DLGAP1: variants seen among roughly 807,000 people sequenced by gnomAD.
DLGAP1 encodes DLG associated protein 1.
Under a neutral mutation model 90.8 loss-of-function variants are expected in DLGAP1, and 11 were observed. The observed-to-expected ratio is 0.12, with a 90% CI of 0.08 to 0.20. The LOEUF is 0.20. Ranked by LOEUF, DLGAP1 falls within the 10% of genes least tolerant of loss-of-function variation. The pLI is 1.00. For missense variants in DLGAP1, 1,050 were observed against 1,333.8 expected (o/e 0.79, Z 3.31); for synonymous variants, 558 against 540.7 (o/e 1.03, Z -0.44).
In DLGAP1 at chr18:4,033,422, T is replaced by C. The variant is rs74640338; in HGVS notation, c.-158-28221A>G. On this transcript the variant is annotated intron_variant, in intron 2 of 12. Coordinates refer to ENST00000315677, the MANE Select transcript of DLGAP1 (RefSeq NM_004746.4). ...CCATAAGTTATTTAGTTTTCTCCCA[T>C]TGATAGACATTTATGTGTTACCAAG... Among the ~76,000 whole-genome samples, 790 of 152,246 alleles carry C rather than the reference T, an allele frequency of 5.2e-3. 23 individuals carry two copies. Among genetic ancestry groups the C allele is most frequent in the East Asian group, 0.01 (53 of 5,172 alleles).
chr18:3,530,506 T>C (rs535222400), intron 10 of DLGAP1, among the ~76,000 whole-genome samples: 4 of 152,164 alleles, frequency 2.6e-5, no homozygotes, highest in Non-Finnish European at 5.9e-5. Flanking sequence ...AATTTGAGAA[T>C]TGAAATCTGA....
At chr18:3,639,945 A>G (rs56946148) in intron 7 of DLGAP1, among the ~76,000 whole-genome samples, 14,313 of 142,668 alleles carry the variant, frequency 0.1, 793 homozygotes, top group African/African-American at 0.11. Flanking sequence ...TAGTAGAGAC[A>G]GGGTTTCACC....
chr18:4,403,754 C>T (rs1282442108), intron 1 of DLGAP1, among the ~76,000 whole-genome samples: 1 of 148,838 alleles, frequency 6.7e-6, no homozygotes, highest in Non-Finnish European at 1.5e-5. Context: ...TGATTCCTTT[C>T]TTTCTTTTTA....
At chr18:3,940,953 G>A (rs2072755124) in intron 3 of DLGAP1, among the ~76,000 whole-genome samples, 1 of 152,156 alleles carries the variant, frequency 6.6e-6, no homozygotes. Context: ...GAGACAGCAT[G>A]TCCTGAGGGA....
At chr18:3,746,869 C>T (rs1030682973) in intron 5 of DLGAP1, among the ~76,000 whole-genome samples, 2 of 152,224 alleles carry the variant, frequency 1.3e-5, no homozygotes, top group Admixed American at 6.5e-5. Context: ...GCATTGTGTA[C>T]GATTGCATCT....
rs76739752 is a variant in DLGAP1, at chr18:3,985,017, G to T, written c.-73+20099C>A. Reference sequence around the variant, plus strand: ...CCTCATTGTTTTTGTTAAAGCCATTGTCCCTTCTTGGAAATCACTTGCATT... The same window carrying T: ...CCTCATTGTTTTTGTTAAAGCCATTTTCCCTTCTTGGAAATCACTTGCATT... On this transcript the variant is annotated intron_variant, in intron 3 of 12. Transcript: ENST00000315677. Among the ~76,000 whole-genome samples the T allele has an allele frequency of 2.3e-3, 344 of 152,160 alleles. 1 individual carries two copies. Among genetic ancestry groups the T allele is most frequent in the Non-Finnish European group, 3.9e-3 (264 of 67,996 alleles).
rs556265788 is a variant in DLGAP1 at position 4,041,828 on chromosome 18, C to T, written c.-158-36627G>A. Among the ~76,000 whole-genome samples the T allele has an allele frequency of 7.4e-4, 113 of 152,206 alleles. 1 individual carries two copies. The highest frequency in any genetic ancestry group is 6.8e-3 in the Middle Eastern group (2 of 294). ...AGGGATTTAAACAATAAATTCTTAA[C>T]ATATTAAAGGGCATATAAGGTACAA... On this transcript the variant is annotated intron_variant, in intron 2 of 12. Transcript: ENST00000315677.
At chr18:3,821,424 G>C (rs1470529221) in intron 4 of DLGAP1, among the ~76,000 whole-genome samples, 12 of 123,504 alleles carry the variant, frequency 9.7e-5, no homozygotes, top group Non-Finnish European at 3.4e-5. Context: ...ATGATTAAGT[G>C]AATGAACCAA....
At chr18:3,858,814 G>A (rs2069841800) in intron 4 of DLGAP1, among the ~76,000 whole-genome samples, 1 of 151,944 alleles carries the variant, frequency 6.6e-6, no homozygotes, top group Non-Finnish European at 1.5e-5. Context: ...AACATTAGAG[G>A]GCATACCATC....
At chr18:3,817,134 C>T (rs12607903) in intron 4 of DLGAP1, among the ~76,000 whole-genome samples, 97,022 of 152,102 alleles carry the variant, frequency 0.64, 31,625 homozygotes, top group Non-Finnish European at 0.71. Flanking sequence ...TCATAGATGA[C>T]GCACACCACA....
chr18:4,002,459 G>A (rs1318340310), intron 3 of DLGAP1, among the ~76,000 whole-genome samples: 8 of 46,312 alleles, frequency 1.7e-4, no homozygotes, highest in African/African-American at 1.3e-4. Flanking sequence ...CCTACTCAAC[G>A]TGAGGATATG....
At chr18:4,170,289 C>T (rs34463112) in intron 1 of DLGAP1, among the ~76,000 whole-genome samples, 15,395 of 152,100 alleles carry the variant, frequency 0.1, 1,029 homozygotes, top group South Asian at 0.28. Context: ...AATGGAGTTC[C>T]ATTTACTTTG....
chr18:4,362,688 C>T (rs1387320632), intron 1 of DLGAP1, among the ~76,000 whole-genome samples: 1 of 152,018 alleles, frequency 6.6e-6, no homozygotes, highest in Admixed American at 6.6e-5. Flanking sequence ...TGAATGTACT[C>T]AACACCATTG....
chr18:4,198,177 T>C (rs2077537475), intron 1 of DLGAP1, among the ~76,000 whole-genome samples: 1 of 152,096 alleles, frequency 6.6e-6, no homozygotes. Context: ...GCCGAGATCG[T>C]GCCACTGCAC....
chr18:4,453,939 G>A (rs2083900500), intron 1 of DLGAP1, among the ~76,000 whole-genome samples: 1 of 152,106 alleles, frequency 6.6e-6, no homozygotes, highest in Admixed American at 6.5e-5. Flanking sequence ...CTTGCCCTCC[G>A]CACATCCTCC....
chr18:4,262,329 TGTGTGTGTGCACA>T (rs142630505), intron 1 of DLGAP1, among the ~76,000 whole-genome samples: 3,332 of 152,250 alleles, frequency 0.022, 123 homozygotes, highest in African/African-American at 0.076. Flanking sequence ...TGTGTAGGTG[TGTGTGTGTGCACA>T]GTGTGTGTGC....
intron 7 of DLGAP1, among the ~76,000 whole-genome samples, chr18:3,689,114 G>A (rs866805370): frequency 6.6e-6 from 1 of 152,198 alleles, no homozygotes; most frequent in East Asian, 1.9e-4. Context: ...CTGAATGAAC[G>A]TTTACTAAGT....
intron 3 of DLGAP1, among the ~76,000 whole-genome samples, chr18:3,888,876 G>A (rs62083561): frequency 6.6e-6 from 1 of 152,156 alleles, no homozygotes; most frequent in Non-Finnish European, 1.5e-5. Flanking sequence ...ATGGGACCTC[G>A]GAGATATGCT....
At chr18:4,058,484 T>C (rs780023784) in intron 2 of DLGAP1, among the ~76,000 whole-genome samples, 10 of 152,238 alleles carry the variant, frequency 6.6e-5, no homozygotes, top group Non-Finnish European at 1.0e-4. Flanking sequence ...TTTTTCTGCC[T>C]GCACAGGGCC....
Sources: allele counts gnomAD v4.1 joint callset (sites outside exome capture counted in the v4.1 genomes callset), GRCh38; gene constraint gnomAD v4.1.1; transcripts MANE v1.5; gene names NCBI Gene and HGNC (gene_info 2026-07-23, HGNC 2026-07-21).